CACNG2: variants seen among roughly 807,000 people sequenced by gnomAD.
CACNG2 encodes the protein calcium voltage-gated channel auxiliary subunit gamma 2.
CACNG2 carries 3 observed loss-of-function variants against 25.9 expected under a neutral mutation model. The ratio of observed to expected loss-of-function variants is 0.12; its 90% CI spans 0.05 to 0.30. The LOEUF (loss-of-function observed/expected upper bound fraction) is 0.30, where lower values mean the gene tolerates loss of function less well. Among genes scored for constraint, CACNG2 ranks in the 10% least tolerant of loss-of-function variants. The pLI, the probability that CACNG2 is intolerant of heterozygous loss-of-function variation, is 1.00. For missense variants in CACNG2, 341 were observed against 432.5 expected, an observed-to-expected ratio of 0.79 and a Z score of 1.88; for synonymous variants, 167 against 173.3, an observed-to-expected ratio of 0.96 and a Z score of 0.29.
intron 1 of CACNG2, among the ~76,000 whole-genome samples, chr22:36,605,541 G>A (rs1935818392): frequency 6.6e-6 from 1 of 152,208 alleles, no homozygotes; most frequent in Non-Finnish European, 1.5e-5. Flanking sequence ...AGGGTCTGGA[G>A]GCTGGCTACC....
At chr22:36,665,427 C>T (rs1160540271) in intron 1 of CACNG2, among the ~76,000 whole-genome samples, 1 of 152,190 alleles carries the variant, frequency 6.6e-6, no homozygotes, top group Non-Finnish European at 1.5e-5. Flanking sequence ...TACACAGTGC[C>T]TGGCACATAG....
chr22:36,570,717 C>T (rs1461230543), intron 2 of CACNG2, among the ~76,000 whole-genome samples: 5 of 146,410 alleles, frequency 3.4e-5, no homozygotes, highest in East Asian at 2.0e-4. Flanking sequence ...GAGCTGAGAT[C>T]GCGCCACTGC....
At chr22:36,585,382 T>G (rs966319707) in intron 2 of CACNG2, 2 of 152,216 alleles carry the variant, frequency 1.3e-5, no homozygotes, top group African/African-American at 4.8e-5. Flanking sequence ...GTCTTCCAGC[T>G]TCTCTCAAGA....
At chr22:36,695,895 A>G (rs1039834068) in intron 1 of CACNG2, among the ~76,000 whole-genome samples, 4 of 152,192 alleles carry the variant, frequency 2.6e-5, no homozygotes, top group Non-Finnish European at 4.4e-5. Flanking sequence ...ACAGGGGCTC[A>G]TGAAAGATTT....
rs753170749 is a variant in CACNG2 at position 36,564,884 on chromosome 22, G to A, written c.439C>T (p.Leu147=). Residue 147 remains leucine (L), a splice_region_variant and synonymous_variant, in exon 4 of 4, where the codon CTG becomes TTG. Transcript: ENST00000300105. The surrounding 1 kb of genome is among the most constrained non-coding windows in gnomAD (Gnocchi z 6.7). ...SAGIFFVSAG[L]SNIIGIIVYI... ...ACTATGATGCCAATGATGTTACTCA[G>A]ACCTGCGGGGCGCAGGGTGGCGGGG... is the stretch of plus-strand genomic sequence containing the variant. The A allele has an allele frequency of 6.2e-7, 1 of 1,612,062 alleles. No homozygotes were observed. The highest frequency in any genetic ancestry group is 1.3e-5 in the African/African-American group (1 of 74,934).
At chr22:36,697,685 A>C (rs1420946336) in intron 1 of CACNG2, among the ~76,000 whole-genome samples, 1 of 152,148 alleles carries the variant, frequency 6.6e-6, no homozygotes, top group Admixed American at 6.5e-5. Flanking sequence ...GCCTGGCTGT[A>C]TGGAAAAGCT....
intron 2 of CACNG2, among the ~76,000 whole-genome samples, chr22:36,578,772 C>T (rs994868633): frequency 1.9e-4 from 29 of 152,230 alleles, no homozygotes; most frequent in African/African-American, 6.0e-4. Context: ...TGCCCTAGGG[C>T]GGGCGGTACC....
chr22:36,652,711 A>T (rs1936638410), intron 1 of CACNG2, among the ~76,000 whole-genome samples: 1 of 152,118 alleles, frequency 6.6e-6, no homozygotes, highest in Non-Finnish European at 1.5e-5. Context: ...AGATTTTTGC[A>T]TCCCCATTTC....
intron 2 of CACNG2, among the ~76,000 whole-genome samples, chr22:36,569,941 G>A (rs924021611): frequency 2.0e-5 from 3 of 152,222 alleles, no homozygotes; most frequent in Non-Finnish European, 4.4e-5. Context: ...GAAAGAGGTC[G>A]GTGTGGCTTC....
At chr22:36,602,399 T>C in intron 1 of CACNG2, among the ~76,000 whole-genome samples, 1 of 151,942 alleles carries the variant, frequency 6.6e-6, no homozygotes, top group Non-Finnish European at 1.5e-5. Flanking sequence ...ATATATATAT[T>C]TTTTGAGACA....
At chr22:36,613,658 C>T (rs1935978731) in intron 1 of CACNG2, among the ~76,000 whole-genome samples, 1 of 151,890 alleles carries the variant, frequency 6.6e-6, no homozygotes, top group South Asian at 2.1e-4. Flanking sequence ...CTCTGGCTTC[C>T]GTTTTCACTT....
At chr22:36,685,856 A>G (rs1937189647) in intron 1 of CACNG2, among the ~76,000 whole-genome samples, 1 of 151,986 alleles carries the variant, frequency 6.6e-6, no homozygotes, top group Admixed American at 6.5e-5. Flanking sequence ...TATTACTACT[A>G]TTTTTGCTGA....
intron 1 of CACNG2, among the ~76,000 whole-genome samples, chr22:36,627,486 A>G (rs1175724522): frequency 6.6e-6 from 1 of 152,050 alleles, no homozygotes; most frequent in African/African-American, 2.4e-5. Flanking sequence ...GAAAGCAAAA[A>G]CTGCTTGTCA....
At chr22:36,695,594 G>A (rs1400186324) in intron 1 of CACNG2, among the ~76,000 whole-genome samples, 1 of 151,022 alleles carries the variant, frequency 6.6e-6, no homozygotes, top group African/African-American at 2.4e-5. Flanking sequence ...GATCTGGAAT[G>A]TCCTTTCTTC....
chr22:36,623,152 C>T (rs1211228315), intron 1 of CACNG2, among the ~76,000 whole-genome samples: 1 of 150,334 alleles, frequency 6.7e-6, no homozygotes, highest in African/African-American at 2.4e-5. Context: ...TCCTGAGTAG[C>T]TGGGATTACA....
At chr22:36,681,267 A>G (rs1937119240) in intron 1 of CACNG2, among the ~76,000 whole-genome samples, 1 of 152,208 alleles carries the variant, frequency 6.6e-6, no homozygotes, top group Admixed American at 6.5e-5. Flanking sequence ...ACCTTAGAAT[A>G]TAGAGAATGC....
chr22:36,653,141 G>A (rs925481487), intron 1 of CACNG2, among the ~76,000 whole-genome samples: 1 of 152,130 alleles, frequency 6.6e-6, no homozygotes, highest in Non-Finnish European at 1.5e-5. Flanking sequence ...GACCAACATG[G>A]AGAAACCTCG....
intron 1 of CACNG2, among the ~76,000 whole-genome samples, chr22:36,664,714 C>T (rs753974148): frequency 6.6e-5 from 10 of 152,118 alleles, no homozygotes; most frequent in Non-Finnish European, 1.5e-4. Context: ...GAAGTGTGCT[C>T]AAATAAGGCA....
chr22:36,670,420 T>C (rs2145992237), intron 1 of CACNG2, among the ~76,000 whole-genome samples: 1 of 152,302 alleles, frequency 6.6e-6, no homozygotes, highest in South Asian at 2.1e-4. Context: ...GAAGGGTCTA[T>C]TTTAGAATTT....
Sources: gnomAD v4.1 joint callset for allele counts (sites outside exome capture counted in the v4.1 genomes callset) on GRCh38, gnomAD v4.1.1 for gene constraint, Gnocchi (gnomAD v3.1) non-coding constraint, MANE v1.5 for transcripts, NCBI Gene and HGNC (gene_info 2026-07-23, HGNC 2026-07-21) for gene names.